Variants in PRTFDC1 observed in about 807,000 individuals in gnomAD.
PRTFDC1 encodes phosphoribosyltransferase domain-containing protein 1.
In PRTFDC1, 38 loss-of-function variants were observed where a neutral mutation model predicts 34.6. The observed-to-expected ratio is 1.10, with a 90% CI of 0.85 to 1.44. The LOEUF is 1.44. PRTFDC1 is among the 40% of genes most tolerant of loss of function. The probability of loss-of-function intolerance (pLI) is 0.00; values close to 1 mark genes in which losing one functional copy is unlikely to be tolerated. For missense variants in PRTFDC1, 270 were observed against 283.0 expected (o/e 0.95, Z 0.33); for synonymous variants, 93 against 98.1 (o/e 0.95, Z 0.31).
intron 3 of PRTFDC1, among the ~76,000 whole-genome samples, chr10:24,917,779 G>C (rs908592851): frequency 2.6e-5 from 4 of 152,100 alleles, no homozygotes; most frequent in African/African-American, 9.7e-5. Context: ...ATAGATGGAG[G>C]TCTTTTCTTT....
chr10:24,902,125 C>T (rs760709337), intron 3 of PRTFDC1, among the ~76,000 whole-genome samples: 1 of 152,120 alleles, frequency 6.6e-6, no homozygotes, highest in Non-Finnish European at 1.5e-5. Flanking sequence ...AAACTGATGG[C>T]TCATAGCAAT....
intron 3 of PRTFDC1, among the ~76,000 whole-genome samples, chr10:24,873,138 T>G (rs1485317776): frequency 2.0e-5 from 3 of 152,124 alleles, no homozygotes; most frequent in East Asian, 3.9e-4. Context: ...AGAGCCATAT[T>G]TAGAAGACTT....
intron 5 of PRTFDC1, among the ~76,000 whole-genome samples, chr10:24,857,452 A>G (rs1221796555): frequency 6.6e-6 from 1 of 152,164 alleles, no homozygotes; most frequent in Non-Finnish European, 1.5e-5. Context: ...CTGGGAAGTG[A>G]GAGGTGTCTG....
chr10:24,942,364 A>T lies in PRTFDC1; in HGVS notation c.121T>A (p.Tyr41Asn), dbSNP rs200381498. Residue 41 changes from tyrosine (Y) to asparagine (N), a missense_variant, in exon 2 of 9, where the codon TAT becomes AAT. Coordinates refer to ENST00000320152, the MANE Select transcript of PRTFDC1 (RefSeq NM_020200.7). ...ATGATACCATGAGGGATGAGGACATACTCCAAGTCTCCATAATAGTGCTGT... is the reference window on the plus strand; with the variant it reads ...ATGATACCATGAGGGATGAGGACATTCTCCAAGTCTCCATAATAGTGCTGT... ...YPQHYYGDLEYVLIPHGIIVD... is the reference protein window; with the variant it reads ...YPQHYYGDLENVLIPHGIIVD... 6.2e-7 allele frequency: 1 copy of T among 1,613,570 alleles called. No individual in the cohort carries two copies. The highest frequency in any genetic ancestry group is 1.3e-5 in the African/African-American group (1 of 74,998).
intron 3 of PRTFDC1, among the ~76,000 whole-genome samples, chr10:24,899,091 G>T (rs918625217): frequency 6.6e-6 from 1 of 152,106 alleles, no homozygotes; most frequent in Non-Finnish European, 1.5e-5. Context: ...ATGGCACTTT[G>T]TTACAGCAGC....
intron 4 of PRTFDC1, among the ~76,000 whole-genome samples, chr10:24,868,745 C>T (rs989538539): frequency 6.6e-6 from 1 of 152,124 alleles, no homozygotes; most frequent in Non-Finnish European, 1.5e-5. Flanking sequence ...CTTTCTTCTA[C>T]ACCCATTAAA....
At chr10:24,886,898 G>A (rs1020041355) in intron 3 of PRTFDC1, among the ~76,000 whole-genome samples, 5 of 150,684 alleles carry the variant, frequency 3.3e-5, no homozygotes, top group African/African-American at 7.3e-5. Flanking sequence ...AATCTAGTGC[G>A]TATCCTGCAT....
chr10:24,876,182 C>G (rs182048462), intron 3 of PRTFDC1, among the ~76,000 whole-genome samples: 1 of 150,754 alleles, frequency 6.6e-6, no homozygotes, highest in Admixed American at 6.6e-5. Flanking sequence ...GAGTTTGAGA[C>G]CAGCCTGAGC....
intron 4 of PRTFDC1, among the ~76,000 whole-genome samples, chr10:24,869,994 C>T (rs1234897480): frequency 6.6e-6 from 1 of 152,228 alleles, no homozygotes; most frequent in East Asian, 1.9e-4. Flanking sequence ...GGTCTCTGCC[C>T]ACTTCATGCT....
chr10:24,901,370 A>G (rs1231997539), intron 3 of PRTFDC1, among the ~76,000 whole-genome samples: 1 of 152,230 alleles, frequency 6.6e-6, no homozygotes, highest in Non-Finnish European at 1.5e-5. Flanking sequence ...AATAGAAATT[A>G]TAGATGGAAA....
chr10:24,946,282 C>G (rs1422219173), intron 1 of PRTFDC1, among the ~76,000 whole-genome samples: 1 of 152,016 alleles, frequency 6.6e-6, no homozygotes, highest in Non-Finnish European at 1.5e-5. Context: ...TTTCCCCTTG[C>G]TTTAAATAAG....
intron 3 of PRTFDC1, among the ~76,000 whole-genome samples, chr10:24,905,315 G>T (rs1008800268): frequency 1.9e-4 from 22 of 113,912 alleles, no homozygotes; most frequent in African/African-American, 5.3e-4. Context: ...CCTGTCTCAA[G>T]AATTTTTTTT....
chr10:24,939,072 G>A (rs527719168), intron 2 of PRTFDC1, among the ~76,000 whole-genome samples: 102 of 152,172 alleles, frequency 6.7e-4, no homozygotes, highest in Middle Eastern at 3.4e-3. Context: ...ACAGTGAGGT[G>A]GGCAGATCTC....
chr10:24,860,754 G>A (rs1847665988), intron 4 of PRTFDC1, among the ~76,000 whole-genome samples: 2 of 152,110 alleles, frequency 1.3e-5, no homozygotes, highest in African/African-American at 2.4e-5. Context: ...TGCCAGGGGA[G>A]TCCTCTTGGT....
chr10:24,916,444 G>C (rs144877980), intron 3 of PRTFDC1, among the ~76,000 whole-genome samples: 1 of 152,174 alleles, frequency 6.6e-6, no homozygotes, highest in Non-Finnish European at 1.5e-5. Flanking sequence ...ACAGTGGCCT[G>C]ACAGAATCTA....
intron 3 of PRTFDC1, among the ~76,000 whole-genome samples, chr10:24,899,315 T>C (rs1474903240): frequency 6.6e-6 from 1 of 152,198 alleles, no homozygotes; most frequent in African/African-American, 2.4e-5. Context: ...GTTGGACCTC[T>C]TCTTCTTGTG....
intron 7 of PRTFDC1, among the ~76,000 whole-genome samples, chr10:24,851,699 C>G (rs1346787931): frequency 5.9e-5 from 9 of 151,718 alleles, no homozygotes; most frequent in Non-Finnish European, 8.8e-5. Flanking sequence ...AATGACTGAT[C>G]TAGCATACAG....
At chr10:24,880,847 C>CTTTCTTTCTTTCTTTCTTTCTT (rs1848063342) in intron 3 of PRTFDC1, among the ~76,000 whole-genome samples, 6 of 149,222 alleles carry the variant, frequency 4.0e-5, no homozygotes, top group African/African-American at 1.5e-4. Flanking sequence ...TTCTTTCTTT[C>CTTTCTTTCTTTCTTTCTTTCTT]TTTCTTTCTT....
chr10:24,894,305 T>C (rs1588597994), intron 3 of PRTFDC1, among the ~76,000 whole-genome samples: 1 of 135,634 alleles, frequency 7.4e-6, no homozygotes, highest in South Asian at 2.3e-4. Flanking sequence ...AACTCCAGAC[T>C]GGCGACAGAG....
Sources: gnomAD v4.1 joint callset for allele counts (sites outside exome capture counted in the v4.1 genomes callset) on GRCh38, gnomAD v4.1.1 for gene constraint, MANE v1.5 for transcripts, NCBI Gene and HGNC (gene_info 2026-07-23, HGNC 2026-07-21) for gene names.